Variants in ZNRF2 observed in about 807,000 individuals in gnomAD.
The protein encoded by ZNRF2 is E3 ubiquitin-protein ligase ZNRF2.
ZNRF2 carries 16 observed loss-of-function variants against 20.4 expected under a neutral mutation model. The ratio of observed to expected loss-of-function variants is 0.79; its 90% CI spans 0.53 to 1.19. The LOEUF (loss-of-function observed/expected upper bound fraction) is 1.19. Ranked by LOEUF, ZNRF2 falls within the 50% of genes most tolerant of loss-of-function variation. The probability of loss-of-function intolerance (pLI) is 0.00; values close to 1 mark genes in which losing one functional copy is unlikely to be tolerated. For synonymous variants in ZNRF2, 178 were observed against 144.9 expected, an observed-to-expected ratio of 1.23 and a Z score of -1.64; for missense variants, 363 against 332.4, an observed-to-expected ratio of 1.09 and a Z score of -0.72.
At chr7:30,356,016 A>C (rs946495604) in intron 3 of ZNRF2, among the ~76,000 whole-genome samples, 183 bp downstream of exon 3, 10 of 152,210 alleles carry the variant, frequency 6.6e-5, no homozygotes, top group South Asian at 2.1e-4. Context: ...GTTTGTATCC[A>C]AAAGGCTACT....
chr7:30,340,419 A>G (rs1799776621), intron 2 of ZNRF2, among the ~76,000 whole-genome samples: 1 of 152,174 alleles, frequency 6.6e-6, no homozygotes, highest in Non-Finnish European at 1.5e-5. Context: ...GATACATTTC[A>G]TCAATACCTA....
intron 1 of ZNRF2, chr7:30,289,964 G>T (rs939111124): frequency 5.5e-5 from 28 of 512,914 alleles, no homozygotes; most frequent in Admixed American, 2.9e-4. Flanking sequence ...TATCATTAAT[G>T]AGATATCAAC....
chr7:30,357,966 A>G (rs188747154), intron 3 of ZNRF2, among the ~76,000 whole-genome samples: 13 of 152,308 alleles, frequency 8.5e-5, no homozygotes, highest in Admixed American at 2.6e-4. Flanking sequence ...CAACTCAACA[A>G]TAAGTATCTA....
chr7:30,310,783 T>C (rs1799279725), intron 1 of ZNRF2, among the ~76,000 whole-genome samples: 1 of 151,806 alleles, frequency 6.6e-6, no homozygotes, highest in South Asian at 2.1e-4. Context: ...TGAATGTGAG[T>C]TCCAAGCTAG....
intron 1 of ZNRF2, among the ~76,000 whole-genome samples, chr7:30,308,958 A>G (rs941843829): frequency 6.6e-6 from 1 of 152,114 alleles, no homozygotes; most frequent in Admixed American, 6.6e-5. Context: ...TTCAGTGTTC[A>G]TTATATTTTG....
chr7:30,299,750 G>A (rs1006750104), intron 1 of ZNRF2, among the ~76,000 whole-genome samples: 1 of 149,420 alleles, frequency 6.7e-6, no homozygotes, highest in East Asian at 1.9e-4. Flanking sequence ...CAAGAATGTG[G>A]TCATACTGTG....
chr7:30,364,521 G>T (rs1471879145), intron 4 of ZNRF2, among the ~76,000 whole-genome samples: 1 of 152,152 alleles, frequency 6.6e-6, no homozygotes, highest in Non-Finnish European at 1.5e-5. Flanking sequence ...AAGTAAGAAT[G>T]CTAGGTAAGA....
At chr7:30,355,409 C>T (rs935119582) in intron 2 of ZNRF2, among the ~76,000 whole-genome samples, 13 of 152,134 alleles carry the variant, frequency 8.5e-5, no homozygotes, top group African/African-American at 3.1e-4. Flanking sequence ...AAAATAAATT[C>T]ATGGTACAAA....
At position 30,285,091 on chromosome 7, in the gene ZNRF2, C is replaced by T; in HGVS notation, c.-267C>T. 2.4e-6 allele frequency: 1 copy of T among 414,596 alleles called. No homozygotes were observed. Among genetic ancestry groups the T allele is most frequent in the Non-Finnish European group, 4.7e-6 (1 of 210,778 alleles). 25.7% of individuals were successfully genotyped at this position (414,596 alleles called of 1,614,324 possible). On this transcript the variant is annotated 5_prime_UTR_variant, in exon 1 of 5. Transcript: ENST00000323037. ...AGCCGCCCCTTCCTGCTGGAGCCAGCGAGGGGTGCCTGCAGCCGGGACCCC... is the reference window on the plus strand; with the variant it reads ...AGCCGCCCCTTCCTGCTGGAGCCAGTGAGGGGTGCCTGCAGCCGGGACCCC...
intron 1 of ZNRF2, among the ~76,000 whole-genome samples, chr7:30,296,685 T>C (rs1443705784): frequency 6.6e-6 from 1 of 152,206 alleles, no homozygotes. Context: ...ACTCCTTTTG[T>C]CCACTCTTCC....
At chr7:30,288,695 T>A (rs1373586986) in intron 1 of ZNRF2, 1 of 152,216 alleles carries the variant, frequency 6.6e-6, no homozygotes, top group Non-Finnish European at 1.5e-5. Flanking sequence ...GACATCAGAA[T>A]GTGATTATAT....
intron 1 of ZNRF2, among the ~76,000 whole-genome samples, chr7:30,286,368 G>A (rs530138580): frequency 6.6e-6 from 1 of 152,204 alleles, no homozygotes; most frequent in Non-Finnish European, 1.5e-5. Context: ...TTGGATGAAT[G>A]CGTTAATGAA....
At chr7:30,309,380 C>G (rs1465900530) in intron 1 of ZNRF2, among the ~76,000 whole-genome samples, 1 of 152,158 alleles carries the variant, frequency 6.6e-6, no homozygotes, top group Admixed American at 6.6e-5. Context: ...AAATTTATCA[C>G]TTCTCTGATA....
At position 30,355,710 on chromosome 7, in the gene ZNRF2, C is replaced by T; in HGVS notation, c.566-18C>T. 1 of 1,580,286 alleles carries T rather than the reference C, an allele frequency of 6.3e-7. No homozygotes were observed. The highest frequency in any genetic ancestry group is 2.2e-5 in the East Asian group (1 of 44,552). Reference sequence around the variant, plus strand: ...ATGGATAATTTTATTGTCCTGAATTCATTTTCTCTTTCTTCAGAGGATGTA... The same window carrying T: ...ATGGATAATTTTATTGTCCTGAATTTATTTTCTCTTTCTTCAGAGGATGTA... On this transcript the variant is annotated intron_variant, in intron 2 of 4. Coordinates refer to ENST00000323037, the MANE Select transcript of ZNRF2 (RefSeq NM_147128.4).
intron 1 of ZNRF2, among the ~76,000 whole-genome samples, chr7:30,295,011 G>GA (rs1562603594): frequency 3.4e-5 from 4 of 118,988 alleles, no homozygotes; most frequent in Non-Finnish European, 5.4e-5. Context: ...GAGAGGGAGG[G>GA]AAGGAGAGAG....
At chr7:30,301,984 T>G (rs1799124747) in intron 1 of ZNRF2, among the ~76,000 whole-genome samples, 1 of 152,184 alleles carries the variant, frequency 6.6e-6, no homozygotes, top group African/African-American at 2.4e-5. Flanking sequence ...CACTCCCTGG[T>G]GTTCGCAAGG....
rs536042236 is a variant in ZNRF2, at chr7:30,301,717, A to C, written c.469+15891A>C. Among the ~76,000 whole-genome samples the C allele has an allele frequency of 7.5e-3, 1,134 of 151,600 alleles. 4 individuals carry two copies. The highest frequency in any genetic ancestry group is 0.011 in the Non-Finnish European group (767 of 67,842). ...GCTTTTTTTAAAAAAAAAAAAAAAA[A>C]AAAAAACTTATCTTTGTCTTAGATT... is the stretch of plus-strand genomic sequence containing the variant. On this transcript the variant is annotated intron_variant, in intron 1 of 4. Transcript: ENST00000323037.
At chr7:30,339,984 T>A (rs552845971) in intron 2 of ZNRF2, among the ~76,000 whole-genome samples, 2 of 152,300 alleles carry the variant, frequency 1.3e-5, no homozygotes. Context: ...ACATCTCTTG[T>A]AAGTTGTATT....
intron 2 of ZNRF2, among the ~76,000 whole-genome samples, chr7:30,342,267 G>A (rs754635768): frequency 3.3e-5 from 5 of 152,048 alleles, no homozygotes; most frequent in African/African-American, 7.2e-5. Flanking sequence ...TGATCCTGTC[G>A]TTATGATGCT....
Sources: allele counts gnomAD v4.1 joint callset (sites outside exome capture counted in the v4.1 genomes callset), GRCh38; gene constraint gnomAD v4.1.1; transcripts MANE v1.5; gene names NCBI Gene and HGNC (gene_info 2026-07-23, HGNC 2026-07-21).